KIF17: variants seen among roughly 807,000 people sequenced by gnomAD.
KIF17 encodes kinesin family member 17, also known as kinesin-like protein KIF17.
KIF17 carries 80 observed loss-of-function variants against 96.8 expected under a neutral mutation model. That is an observed-to-expected ratio of 0.83 (90% CI 0.69 to 1.00). The LOEUF is 1.00. Among genes scored for constraint, KIF17 ranks in the 50% least tolerant of loss-of-function variants. KIF17 has a pLI of 0.00. For synonymous variants in KIF17, 567 were observed against 587.5 expected (o/e 0.97, Z 0.51); for missense variants, 1,280 against 1,372.9 (o/e 0.93, Z 1.07).
At position 20,672,216 on chromosome 1, in the gene KIF17, A is replaced by G; in HGVS notation, c.2464-20T>C. Reference sequence around the variant, plus strand: ...CCGAAGCTGAAAGCAAAGGATGACAAGCAGTGAGCAGGGAAAGATACCTCC... The same window carrying G: ...CCGAAGCTGAAAGCAAAGGATGACAGGCAGTGAGCAGGGAAAGATACCTCC... On this transcript the variant is annotated intron_variant, in intron 11 of 14. Coordinates refer to ENST00000400463, the MANE Select transcript of KIF17 (RefSeq NM_001122819.3). This position sits in a 1 kb window ranked among gnomAD's most constrained non-coding sequence, Gnocchi z 4.3. 1 of 1,613,616 alleles carries G rather than the reference A, an allele frequency of 6.2e-7. No homozygotes were observed. The highest frequency in any genetic ancestry group is 2.2e-5 in the East Asian group (1 of 44,878).
In KIF17 at chr1:20,712,724, T is replaced by A. The variant is rs1557606672; in HGVS notation, c.480+730A>T. Among the ~76,000 whole-genome samples the A allele has an allele frequency of 7.8e-3, 200 of 25,768 alleles. 87 individuals carry two copies. The highest frequency in any genetic ancestry group is 0.014 in the Non-Finnish European group (166 of 12,280). 16.9% of individuals were successfully genotyped at this position (25,768 alleles called of 152,430 possible). ...AATATTATCTATATATAAAATTATA[T>A]TATATCTATATATATTATATATATA... On this transcript the variant is annotated intron_variant, in intron 3 of 14. Coordinates refer to ENST00000400463, the MANE Select transcript of KIF17 (RefSeq NM_001122819.3).
chr1:20,666,120 G>T (rs1290827770), intron 14 of KIF17, 94 bp downstream of exon 14: 2 of 975,598 alleles, frequency 2.1e-6, no homozygotes, highest in Non-Finnish European at 3.3e-6. Flanking sequence ...AGGGAAAGGA[G>T]TTTTTGAACC....
chr1:20,662,132 G>A (rs1046445713), downstream of KIF17, among the ~76,000 whole-genome samples: 8 of 152,252 alleles, frequency 5.3e-5, no homozygotes, highest in African/African-American at 1.9e-4. Context: ...GTGTGCCTTA[G>A]GAACAGCCAT....
chr1:20,668,905 T>C (rs1186944791), intron 13 of KIF17, among the ~76,000 whole-genome samples: 2 of 152,184 alleles, frequency 1.3e-5, no homozygotes, highest in Non-Finnish European at 2.9e-5. Context: ...AAAAATTTTG[T>C]TGACCCCTTG....
At chr1:20,677,988 C>T (rs897994347) in intron 11 of KIF17, among the ~76,000 whole-genome samples, 7 of 152,198 alleles carry the variant, frequency 4.6e-5, no homozygotes, top group African/African-American at 9.6e-5. Context: ...AGAGATGGCA[C>T]GTGTGTTCTT....
rs189209870 is a variant in KIF17, at chr1:20,689,212, G to A, written c.1381+976C>T. On this transcript the variant is annotated intron_variant, in intron 7 of 14. Transcript: ENST00000400463. ...GGCACGTGGTAATGTGCCAACAAGC[G>A]GTACCGACGGTGCGATCAGTATCAT... 1.3e-4 allele frequency among the ~76,000 whole-genome samples: 20 copies of A among 152,202 alleles called. No individual in the cohort carries two copies. The East Asian group carries it at 2.5e-3, about 19-fold the overall frequency.
At chr1:20,676,692 G>T (rs568234660) in intron 11 of KIF17, among the ~76,000 whole-genome samples, 1 of 151,914 alleles carries the variant, frequency 6.6e-6, no homozygotes, top group South Asian at 2.1e-4. Context: ...TTAGCCAGGC[G>T]TGGTGGCACA....
chr1:20,709,684 G>T lies in KIF17; in HGVS notation c.625C>A (p.Arg209Ser). 2 of 1,614,126 alleles carry T rather than the reference G, an allele frequency of 1.2e-6. No homozygotes were observed. The highest frequency in any genetic ancestry group is 2.2e-5 in the South Asian group (2 of 91,084). The change falls in exon 4 of 15, where the codon CGC becomes AGC. Residue 209 changes from arginine to serine, a missense_variant. Physicochemically the swap from Arg to Ser is moderately radical, Grantham distance 110 (BLOSUM62 -1). Transcript: ENST00000400463. This position sits in a 1 kb window ranked among gnomAD's most constrained non-coding sequence, Gnocchi z 4.7. ...GYTLMNKDSSRSHSIFTISIE... is the reference protein window; with the variant it reads ...GYTLMNKDSSSSHSIFTISIE... ...CTGATGGTGAAGATGGAGTGCGAGC[G>T]TGAGGAATCCTTGTTCATCAGCGTG...
At chr1:20,670,266 G>A (rs1477487839) in intron 13 of KIF17, among the ~76,000 whole-genome samples, 155 bp downstream of exon 13, 1 of 152,168 alleles carries the variant, frequency 6.6e-6, no homozygotes, top group Non-Finnish European at 1.5e-5. Flanking sequence ...GGTGCCAATG[G>A]AGGGGCATGA....
intron 1 of KIF17, among the ~76,000 whole-genome samples, chr1:20,716,605 G>A (rs1477703457): frequency 6.6e-6 from 1 of 152,230 alleles, no homozygotes; most frequent in African/African-American, 2.4e-5. Flanking sequence ...GACAGGAAGA[G>A]GAAGGCATTC....
At position 20,664,412 on chromosome 1, in the gene KIF17, G is replaced by A. The variant is rs10799659; in HGVS notation, c.*172C>T. ...CCTCCGAGGGGCTCCTGCCCAGGGCGGAGGTGGGCTCTCTGGGGAACAGGG... is the reference window on the plus strand; with the variant it reads ...CCTCCGAGGGGCTCCTGCCCAGGGCAGAGGTGGGCTCTCTGGGGAACAGGG... On this transcript the variant is annotated 3_prime_UTR_variant, in exon 15 of 15. Transcript: ENST00000400463. The A allele has an allele frequency of 0.19, 294,035 of 1,515,110 alleles. 29,646 individuals carry two copies. Among genetic ancestry groups the A allele is most frequent in the Non-Finnish European group, 0.2 (230,303 of 1,134,398 alleles). The allele number at this position is 1,515,110 out of a possible 1,614,324, so 93.9% of individuals were successfully genotyped here. A position where few individuals can be genotyped will look rare whatever the true frequency, so the allele number is the denominator to read the frequency against.
chr1:20,697,200 T>C (rs1570464344), intron 6 of KIF17, among the ~76,000 whole-genome samples: 2 of 151,972 alleles, frequency 1.3e-5, no homozygotes. Context: ...CGGACCCCAG[T>C]GGGAGGTGGT....
In KIF17 at chr1:20,680,717, C is replaced by T. The variant is rs142202270; in HGVS notation, c.2463+1936G>A. On this transcript the variant is annotated intron_variant, in intron 11 of 14. Transcript: ENST00000400463. ...AAAATCAAGAAGATATGAAATAGGACATCAATGAAAAGAAAGGAAAAAATA... is the reference window on the plus strand; with the variant it reads ...AAAATCAAGAAGATATGAAATAGGATATCAATGAAAAGAAAGGAAAAAATA... Among the ~76,000 whole-genome samples the T allele has an allele frequency of 2.6e-5, 4 of 151,922 alleles. No individual in the cohort carries two copies. In the East Asian group the frequency reaches 7.7e-4, roughly 29 times the overall value.
In KIF17 at chr1:20,687,841, CACTG is replaced by C; in HGVS notation, c.1481_1484del (p.Thr494ArgfsTer2). 1 of 1,614,112 alleles carries C rather than the reference CACTG, an allele frequency of 6.2e-7. No homozygotes were observed. The highest frequency in any genetic ancestry group is 8.5e-7 in the Non-Finnish European group (1 of 1,180,016). On this transcript the variant is annotated frameshift_variant, in exon 8 of 15. Coordinates refer to ENST00000400463, the MANE Select transcript of KIF17 (RefSeq NM_001122819.3). LOFTEE classifies it high-confidence loss of function. This position sits in a 1 kb window ranked among gnomAD's most constrained non-coding sequence, Gnocchi z 4.4. ...TCGTGGAGAAGACCTTGGGTTTCAC[CACTG>C]TCTCATACTGAAAAGCAGGCGGGTA...
intron 6 of KIF17, among the ~76,000 whole-genome samples, chr1:20,691,849 A>G (rs917972516): frequency 1.3e-5 from 2 of 152,194 alleles, no homozygotes; most frequent in Admixed American, 1.3e-4. Flanking sequence ...TATATCATGA[A>G]CACCTTTCCA....
chr1:20,690,399 C>T, intron 6 of KIF17, 64 bp from the exon 7 acceptor site: 1 of 1,515,766 alleles, frequency 6.6e-7, no homozygotes, highest in Non-Finnish European at 9.1e-7. Context: ...ACCCAGCTTT[C>T]AGTATTCCTT....
At chr1:20,708,301 A>G (rs1221127135) in intron 4 of KIF17, among the ~76,000 whole-genome samples, 3 of 152,212 alleles carry the variant, frequency 2.0e-5, no homozygotes. Context: ...CAGCTGGGCA[A>G]TGCGTCCAGG....
rs555131940 is a variant in KIF17, at chr1:20,700,997, C to T, written c.1124-2509G>A. On this transcript the variant is annotated intron_variant, in intron 5 of 14. Coordinates refer to ENST00000400463, the MANE Select transcript of KIF17 (RefSeq NM_001122819.3). This position sits in a 1 kb window ranked among gnomAD's most constrained non-coding sequence, Gnocchi z 4.6. ...CAGTAAAGGCTGTGGCCCGGGCCCC[C>T]ACTCCCTTCTCCCTCCAGACCGATG... Among the ~76,000 whole-genome samples, 1 of 152,318 alleles carries T rather than the reference C, an allele frequency of 6.6e-6. No individual in the cohort carries two copies. The highest frequency in any genetic ancestry group is 2.4e-5 in the African/African-American group (1 of 41,578).
chr1:20,682,600 G>A (rs1012274334), intron 11 of KIF17, 53 bp downstream of exon 11: 3 of 1,509,814 alleles, frequency 2.0e-6, no homozygotes, highest in Admixed American at 3.3e-5. Flanking sequence ...TGGATCGGGG[G>A]GTCTCACCCA....
Sources: allele counts gnomAD v4.1 joint callset (sites outside exome capture counted in the v4.1 genomes callset), GRCh38; gene constraint gnomAD v4.1.1; non-coding constraint Gnocchi (gnomAD v3.1); transcripts MANE v1.5; gene names NCBI Gene and HGNC (gene_info 2026-07-23, HGNC 2026-07-21).